The following CFAP74 variants were observed in gnomAD, a reference collection of about 807,000 sequenced individuals.
CFAP74 encodes cilia- and flagella-associated protein 74.
Under a neutral mutation model 188.9 loss-of-function variants are expected in CFAP74, and 124 were observed. The ratio of observed to expected loss-of-function variants is 0.66; its 90% CI spans 0.57 to 0.76. CFAP74 has a LOEUF of 0.76. Ranked by LOEUF, CFAP74 falls within the 30% of genes least tolerant of loss-of-function variation. The probability of loss-of-function intolerance (pLI) is 0.00; values close to 1 mark genes in which losing one functional copy is unlikely to be tolerated. For synonymous variants in CFAP74, 956 were observed against 916.7 expected (o/e 1.04, Z -0.77); for missense variants, 2,198 against 2,165.2 (o/e 1.02, Z -0.30).
At chr1:1,979,417 C>T (rs182957054) in intron 6 of CFAP74, among the ~76,000 whole-genome samples, 24 of 120,424 alleles carry the variant, frequency 2.0e-4, no homozygotes, top group African/African-American at 4.2e-4. Flanking sequence ...GCAGAACACG[C>T]GTGTGGTACT....
chr1:1,934,046 A>T (rs1403628131), intron 25 of CFAP74, among the ~76,000 whole-genome samples: 1 of 152,182 alleles, frequency 6.6e-6, no homozygotes, highest in Non-Finnish European at 1.5e-5. Context: ...AGACAAGCAA[A>T]ATCCAGACCA....
At position 1,940,288 on chromosome 1, in the gene CFAP74, C is replaced by G. The variant is rs1653276051; in HGVS notation, c.2703+28G>C. On this transcript the variant is annotated intron_variant, in intron 23 of 38. Coordinates refer to ENST00000682832, the MANE Select transcript of CFAP74 (RefSeq NM_001304360.2). Reference sequence around the variant, plus strand: ...GCCCCTGCTACCCAGGAGCGCCCAGCATCCCTGGGAAGTGCCCCAACACAG... The same window carrying G: ...GCCCCTGCTACCCAGGAGCGCCCAGGATCCCTGGGAAGTGCCCCAACACAG... 8 of 1,513,966 alleles carry G rather than the reference C, an allele frequency of 5.3e-6. No individual in the cohort carries two copies. The African/African-American group carries it at 9.6e-5, about 18-fold the overall frequency. The allele number at this position is 1,513,966 out of a possible 1,614,324, so 93.8% of individuals were successfully genotyped here. A position where few individuals can be genotyped will look rare whatever the true frequency, so the allele number is the denominator to read the frequency against.
chr1:1,931,788 C>T (rs555675795), intron 25 of CFAP74, among the ~76,000 whole-genome samples: 153 of 148,736 alleles, frequency 1.0e-3, no homozygotes, highest in African/African-American at 3.6e-3. Flanking sequence ...ATTGGCTGGG[C>T]GCGGTGACTC....
intron 18 of CFAP74, chr1:1,955,383 T>C: frequency 7.3e-7 from 1 of 1,377,020 alleles, no homozygotes; most frequent in Non-Finnish European, 9.6e-7. Flanking sequence ...GCCCGGCCCC[T>C]CCAGGGGGCA....
chr1:1,987,270 C>T (rs373825884), intron 4 of CFAP74, among the ~76,000 whole-genome samples: 8 of 152,256 alleles, frequency 5.3e-5, no homozygotes, highest in African/African-American at 1.9e-4. Context: ...ACATGCTCCC[C>T]AGGGCCGAGG....
In CFAP74 at chr1:1,922,753, C is replaced by T. The variant is rs138422919; in HGVS notation, c.4684-30G>A. The T allele has an allele frequency of 2.2e-4, 358 of 1,591,690 alleles. 6 individuals are homozygous for T. In the East Asian group the frequency reaches 5.2e-3, roughly 23 times the overall value. ...GGGGTATGGGGCTCCTGTAGGCTGG[C>T]GACCAGGCACCGCTCCCAGAAGCAG... On this transcript the variant is annotated intron_variant, in intron 37 of 38. Coordinates refer to ENST00000682832, the MANE Select transcript of CFAP74 (RefSeq NM_001304360.2).
In CFAP74 at chr1:1,970,546, C is replaced by T. The variant is rs549802775; in HGVS notation, c.1046+113G>A. On this transcript the variant is annotated intron_variant, in intron 10 of 38. Coordinates refer to ENST00000682832, the MANE Select transcript of CFAP74 (RefSeq NM_001304360.2). ...CGTGCCCCACAGCCGCCTGAGTGGG[C>T]GCCCTGGGAGAGAGAGCAGCTTTGC... 984 of 1,226,234 alleles carry T rather than the reference C, an allele frequency of 8.0e-4. 3 individuals are homozygous for T. The highest frequency in any genetic ancestry group is 1.7e-3 in the Middle Eastern group (6 of 3,550). 76.0% of individuals were successfully genotyped at this position (1,226,234 alleles called of 1,614,324 possible).
intron 1 of CFAP74, among the ~76,000 whole-genome samples, chr1:1,996,523 T>C (rs1457497497): frequency 6.6e-6 from 1 of 152,164 alleles, no homozygotes; most frequent in East Asian, 1.9e-4. Context: ...TTATTCACTA[T>C]GGGAGCTACT....
intron 21 of CFAP74, 120 bp downstream of exon 21, chr1:1,944,211 G>T (rs572339233): frequency 6.9e-7 from 1 of 1,450,384 alleles, no homozygotes; most frequent in Admixed American, 2.3e-5. Context: ...GGCTCACCCC[G>T]TGTGCGTGGG....
chr1:1,924,027 C>G, intron 34 of CFAP74, 98 bp from the exon 35 acceptor site: 1 of 1,274,878 alleles, frequency 7.8e-7, no homozygotes, highest in Non-Finnish European at 1.1e-6. Flanking sequence ...TGCCCGCCCC[C>G]CTGCAGAGCC....
intron 13 of CFAP74, 60 bp from the exon 14 acceptor site, chr1:1,963,927 C>T (rs938813689): frequency 3.0e-5 from 33 of 1,117,616 alleles, no homozygotes; most frequent in Middle Eastern, 2.0e-4. Flanking sequence ...CTGTGAGCAC[C>T]GAGGCAGCTT....
chr1:1,959,422 C>A (rs117050329), intron 15 of CFAP74, among the ~76,000 whole-genome samples: 2 of 151,806 alleles, frequency 1.3e-5, no homozygotes, highest in African/African-American at 2.4e-5. Flanking sequence ...GCATGCGCCA[C>A]CATATCTGGC....
At chr1:1,939,540 C>T (rs976419373) in intron 24 of CFAP74, 54 bp downstream of exon 24, 2 of 1,492,788 alleles carry the variant, frequency 1.3e-6, no homozygotes, top group Admixed American at 4.0e-5. Context: ...GCATCCTGTC[C>T]CCAGGACTTC....
chr1:1,979,581 G>A lies in CFAP74; in HGVS notation c.501-5383C>T, dbSNP rs148013231. Among the ~76,000 whole-genome samples, 343 of 79,600 alleles carry A rather than the reference G, an allele frequency of 4.3e-3. 5 individuals are homozygous for A. The highest frequency in any genetic ancestry group is 8.6e-3 in the East Asian group (18 of 2,102). The allele number at this position is 79,600 out of a possible 152,430, so 52.2% of individuals were successfully genotyped here. The stretch of plus-strand genomic sequence containing the variant: ...GGAAGGTGTCACGTGACGAGGCTGC[G>A]CAGAACATGCGTGTGGTACTGAGCT... On this transcript the variant is annotated intron_variant, in intron 6 of 38. Transcript: ENST00000682832.
intron 1 of CFAP74, among the ~76,000 whole-genome samples, chr1:1,992,664 TG>T (rs1328856238): frequency 6.6e-6 from 1 of 151,108 alleles, no homozygotes; most frequent in African/African-American, 2.4e-5. Context: ...TTATTAGAGA[TG>T]GGGTTTCACT....
At chr1:1,992,039 CA>C (rs537739387) in intron 1 of CFAP74, among the ~76,000 whole-genome samples, 200 of 132,812 alleles carry the variant, frequency 1.5e-3, no homozygotes, top group Admixed American at 2.0e-3. Flanking sequence ...GACTCCGTCT[CA>C]AAAAAAAAAA....
intron 1 of CFAP74, 134 bp from the exon 2 acceptor site, chr1:1,991,109 ATC>A (rs1657541061): frequency 1.7e-6 from 1 of 605,718 alleles, no homozygotes; most frequent in African/African-American, 1.9e-5. Context: ...GCACACACAT[ATC>A]TGACACAAGT....
intron 1 of CFAP74, among the ~76,000 whole-genome samples, chr1:2,001,731 C>A (rs1053794967): frequency 6.6e-6 from 1 of 152,170 alleles, no homozygotes; most frequent in East Asian, 1.9e-4. Flanking sequence ...AACGTGACAA[C>A]GTGACCACTG....
chr1:1,971,416 T>C (rs972734056), intron 9 of CFAP74, among the ~76,000 whole-genome samples: 3 of 150,578 alleles, frequency 2.0e-5, no homozygotes, highest in Non-Finnish European at 4.4e-5. Context: ...CATGCACACA[T>C]GCACACACAC....
Sources: gnomAD v4.1 joint callset for allele counts (sites outside exome capture counted in the v4.1 genomes callset) on GRCh38, gnomAD v4.1.1 for gene constraint, MANE v1.5 for transcripts, NCBI Gene and HGNC (gene_info 2026-07-23, HGNC 2026-07-21) for gene names.